The following HYDIN variants were observed in gnomAD, a reference collection of about 807,000 sequenced individuals.
HYDIN encodes the protein axonemal central pair apparatus protein HYDIN.
In HYDIN, 132 loss-of-function variants were observed where a neutral mutation model predicts 403.9. That is an observed-to-expected ratio of 0.33 (90% CI 0.28 to 0.38). HYDIN has a LOEUF of 0.38. Ranked by LOEUF, HYDIN falls within the 10% of genes least tolerant of loss-of-function variation. The pLI, the probability that HYDIN is intolerant of heterozygous loss-of-function variation, is 1.00. For synonymous variants in HYDIN, 1,202 were observed against 1,891.7 expected (o/e 0.64, Z 9.46); for missense variants, 2,827 against 5,009.5 (o/e 0.56, Z 13.15).
intron 18 of HYDIN, among the ~76,000 whole-genome samples, chr16:71,050,813 CATT>C (rs528916730): frequency 4.6e-3 from 694 of 150,158 alleles, no homozygotes; most frequent in Non-Finnish European, 7.3e-3. Flanking sequence ...TCTGAATAGT[CATT>C]ATAGAAAATG....
chr16:70,813,572 A>C (rs2035645039), intron 84 of HYDIN, among the ~76,000 whole-genome samples: 1 of 152,080 alleles, frequency 6.6e-6, no homozygotes, highest in Non-Finnish European at 1.5e-5. Flanking sequence ...CTGCGCAGAC[A>C]GTAAATGTCT....
intron 1 of HYDIN, among the ~76,000 whole-genome samples, chr16:71,221,329 T>A (rs980115984): frequency 5.3e-5 from 8 of 151,694 alleles, no homozygotes; most frequent in African/African-American, 1.7e-4. Flanking sequence ...CAAATTCATA[T>A]CACCTGTGAG....
At chr16:70,829,561 T>C (rs942613260) in intron 81 of HYDIN, 57 bp downstream of exon 81, 2 of 1,367,588 alleles carry the variant, frequency 1.5e-6, no homozygotes, top group African/African-American at 1.4e-5. Context: ...CTCATTCACA[T>C]AGTGCCACCT....
chr16:70,949,660 A>G (rs1346828221), intron 41 of HYDIN, among the ~76,000 whole-genome samples: 1 of 152,314 alleles, frequency 6.6e-6, no homozygotes, highest in Admixed American at 6.5e-5. Context: ...GAGAGCTTCA[A>G]GAAGACCAAT....
chr16:71,012,061 G>A (rs1315191498), intron 23 of HYDIN, among the ~76,000 whole-genome samples: 1 of 152,288 alleles, frequency 6.6e-6, no homozygotes, highest in African/African-American at 2.4e-5. Context: ...AGACTGGGCA[G>A]AGATGCCAGC....
intron 18 of HYDIN, among the ~76,000 whole-genome samples, chr16:71,051,965 A>C (rs1054479939): frequency 1.7e-4 from 26 of 152,276 alleles, no homozygotes; most frequent in Non-Finnish European, 2.5e-4. Flanking sequence ...AAAGGAACTT[A>C]GGAGAGATGA....
At position 71,067,323 on chromosome 16, in the gene HYDIN, C is replaced by G; in HGVS notation, c.2042G>C (p.Gly681Ala). Residue 681 changes from glycine (G) to alanine (A), a missense_variant, in exon 15 of 86, where the codon GGA becomes GCA. Transcript: ENST00000393567. ...LALVVDVEGI[G>A]EEVLALLITA... ...AATTAAGAGCGCCAGCACCTCTTCT[C>G]CGATGCCCTCCACGTCCACCACGAG... 1 of 1,613,354 alleles carries G rather than the reference C, an allele frequency of 6.2e-7. No homozygotes were observed. The highest frequency in any genetic ancestry group is 8.5e-7 in the Non-Finnish European group (1 of 1,179,616).
At chr16:71,125,773 T>C (rs2084429376) in intron 9 of HYDIN, among the ~76,000 whole-genome samples, 2 of 152,160 alleles carry the variant, frequency 1.3e-5, no homozygotes. Flanking sequence ...TTAGTGTCTT[T>C]CTTTTGAACA....
intron 53 of HYDIN, among the ~76,000 whole-genome samples, chr16:70,900,718 T>C (rs189614994): frequency 0.032 from 3,946 of 121,660 alleles, 64 homozygotes; most frequent in Middle Eastern, 0.066. Flanking sequence ...TGTTCATTTG[T>C]TCATTCATTC....
chr16:70,928,548 A>G (rs2077224219), intron 45 of HYDIN, among the ~76,000 whole-genome samples: 1 of 149,572 alleles, frequency 6.7e-6, no homozygotes, highest in Non-Finnish European at 1.5e-5. Context: ...TCTTCAACAG[A>G]AACACTTGAA....
chr16:70,899,569 T>C (rs28630821), intron 53 of HYDIN, among the ~76,000 whole-genome samples: 10,341 of 151,702 alleles, frequency 0.068, 1,140 homozygotes, highest in African/African-American at 0.24. Flanking sequence ...GAGAGGAATG[T>C]CTGTTTTTTA....
At chr16:71,186,628 C>G in intron 2 of HYDIN, 133 bp downstream of exon 2, 1 of 713,354 alleles carries the variant, frequency 1.4e-6, no homozygotes, top group Non-Finnish European at 2.3e-6. Context: ...CTGCAGAAAG[C>G]TACCATTATA....
At chr16:71,157,979 C>CT (rs1400446559) in intron 6 of HYDIN, among the ~76,000 whole-genome samples, 9 of 147,076 alleles carry the variant, frequency 6.1e-5, no homozygotes, top group African/African-American at 2.0e-4. Context: ...TGGCTGGGGA[C>CT]TCTGCTGAAG....
At chr16:71,132,988 G>A (rs1453688136) in intron 8 of HYDIN, 1 of 232,430 alleles carries the variant, frequency 4.3e-6, no homozygotes, top group Non-Finnish European at 8.6e-6. Flanking sequence ...CAGCATAACA[G>A]CAGGCCAGCC....
intron 13 of HYDIN, chr16:71,076,040 C>T (rs925081990): frequency 6.7e-5 from 21 of 311,750 alleles, no homozygotes; most frequent in African/African-American, 4.3e-4. Flanking sequence ...CTTCCTCCCA[C>T]TCATGGTTCT....
chr16:70,931,434 T>C (rs1367431561), intron 45 of HYDIN, among the ~76,000 whole-genome samples: 2 of 152,066 alleles, frequency 1.3e-5, no homozygotes, highest in Admixed American at 6.5e-5. Flanking sequence ...AACGTTAGTG[T>C]TGGCTGCTAC....
At chr16:71,090,200 C>T (rs898810481) in intron 11 of HYDIN, 1 of 123,356 alleles carries the variant, frequency 8.1e-6, no homozygotes, top group African/African-American at 3.8e-5. Flanking sequence ...GTAGCAGGAA[C>T]CAGGCTTCAC....
chr16:70,894,145 C>A (rs1313501487), intron 55 of HYDIN: 3 of 315,458 alleles, frequency 9.5e-6, no homozygotes, highest in East Asian at 1.4e-4. Context: ...TTCCAACTGG[C>A]CAGGTACATC....
chr16:71,014,140 T>C (rs2080179353), intron 23 of HYDIN, among the ~76,000 whole-genome samples: 1 of 148,798 alleles, frequency 6.7e-6, no homozygotes, highest in African/African-American at 2.5e-5. Flanking sequence ...GAAGGTGGGG[T>C]TGGTCGCTGT....
Sources: allele counts gnomAD v4.1 joint callset (sites outside exome capture counted in the v4.1 genomes callset), GRCh38; gene constraint gnomAD v4.1.1; transcripts MANE v1.5; gene names NCBI Gene and HGNC (gene_info 2026-07-23, HGNC 2026-07-21).